The following TFDP1 variants were observed in gnomAD, a reference collection of about 807,000 sequenced individuals.
TFDP1 encodes DRTF1-polypeptide 1.
A neutral mutation model predicts 48.0 loss-of-function variants in TFDP1; 6 were observed. The observed-to-expected ratio is 0.13, with a 90% CI of 0.07 to 0.25. The LOEUF is 0.25. Ranked by LOEUF, TFDP1 falls within the 10% of genes least tolerant of loss-of-function variation. The probability of loss-of-function intolerance (pLI) is 1.00; values close to 1 mark genes in which losing one functional copy is unlikely to be tolerated. For synonymous variants in TFDP1, 201 were observed against 211.6 expected (o/e 0.95, Z 0.44); for missense variants, 335 against 543.0 (o/e 0.62, Z 3.81).
At chr13:113,621,319 T>C (rs569149812) in intron 3 of TFDP1, among the ~76,000 whole-genome samples, 1 of 152,322 alleles carries the variant, frequency 6.6e-6, no homozygotes, top group African/African-American at 2.4e-5. Flanking sequence ...TATCATGTAT[T>C]TTCAAATGGG....
chr13:113,597,523 G>A (rs903159726), intron 2 of TFDP1, among the ~76,000 whole-genome samples: 3 of 152,234 alleles, frequency 2.0e-5, no homozygotes, highest in African/African-American at 4.8e-5. Context: ...TGCTAGCCCT[G>A]CGACCTCAGG....
intron 2 of TFDP1, among the ~76,000 whole-genome samples, chr13:113,604,032 T>G (rs1179758827): frequency 6.6e-6 from 1 of 151,708 alleles, no homozygotes; most frequent in South Asian, 2.1e-4. Flanking sequence ...AGGCATGGGG[T>G]GCATGCCTGT....
Position 113,623,977 on chromosome 13 carries a change from G to C in TFDP1, c.186+691G>C, listed in dbSNP as rs753957148. Among the ~76,000 whole-genome samples, 2 of 152,204 alleles carry C rather than the reference G, an allele frequency of 1.3e-5. No individual in the cohort carries two copies. Among genetic ancestry groups the C allele is most frequent in the Non-Finnish European group, 2.9e-5 (2 of 68,018 alleles). ...TGGGGCCCCAGGCACTTGGTGGGCA[G>C]GTTTGGCTGTGACTGGAGCTGGTGG... On this transcript the variant is annotated intron_variant, in intron 4 of 11. Coordinates refer to ENST00000375370, the MANE Select transcript of TFDP1 (RefSeq NM_007111.5). The surrounding 1 kb of genome is among the most constrained non-coding windows in gnomAD (Gnocchi z 5.2).
At chr13:113,585,740 T>C in intron 1 of TFDP1, 34 bp from the exon 2 acceptor site, 1 of 1,280,834 alleles carries the variant, frequency 7.8e-7, no homozygotes, top group South Asian at 1.3e-5. Flanking sequence ...ACTTATTTCT[T>C]GTTTTTCCTT....
intron 2 of TFDP1, among the ~76,000 whole-genome samples, chr13:113,604,394 T>G (rs2048514723): frequency 6.6e-6 from 1 of 152,154 alleles, no homozygotes; most frequent in Non-Finnish European, 1.5e-5. Context: ...GGGTCTGTCT[T>G]AGTAAGTTCT....
intron 3 of TFDP1, among the ~76,000 whole-genome samples, chr13:113,615,502 G>T (rs1484089732): frequency 2.6e-5 from 4 of 152,212 alleles, no homozygotes; most frequent in African/African-American, 7.2e-5. Context: ...CCATCCGGGA[G>T]GCCACAGCTG....
chr13:113,589,580 G>T (rs1003629987), intron 2 of TFDP1, among the ~76,000 whole-genome samples: 3 of 152,210 alleles, frequency 2.0e-5, no homozygotes, highest in Admixed American at 1.3e-4. Context: ...TCCGCCTCAG[G>T]GCCTAGGGAG....
chr13:113,621,056 A>C (rs1438028773), intron 3 of TFDP1, among the ~76,000 whole-genome samples: 1 of 152,244 alleles, frequency 6.6e-6, no homozygotes, highest in South Asian at 2.1e-4. Context: ...TTAAAAATGC[A>C]TGGGTTGTAA....
chr13:113,587,482 CTTTTTTTTT>C (rs34556944), intron 2 of TFDP1, among the ~76,000 whole-genome samples: 1 of 125,480 alleles, frequency 8.0e-6, no homozygotes, highest in Non-Finnish European at 1.7e-5. Flanking sequence ...TTCGCTAGCT[CTTTTTTTTT>C]TTTTTTTTTT....
Position 113,636,614 on chromosome 13 carries a change from G to A in TFDP1, c.920G>A (p.Cys307Tyr). The A allele has an allele frequency of 6.2e-7, 1 of 1,614,116 alleles. No homozygotes were observed. Among genetic ancestry groups the A allele is most frequent in the Non-Finnish European group, 8.5e-7 (1 of 1,180,032 alleles). The part of the protein sequence containing the change: ...IEVLKRMGMA[C>Y]GLESGSCSAE... ...GTGCTGAAGCGGATGGGCATGGCTT[G>A]CGGGCTGGAGTCGGGGAGCTGCTCT... The change falls in exon 10 of 12, where the codon TGC becomes TAC. Residue 307 changes from cysteine (C) to tyrosine (Y), a missense_variant. Cys to Tyr is a radical substitution (Grantham distance 194, BLOSUM62 -2). Transcript: ENST00000375370.
intron 3 of TFDP1, among the ~76,000 whole-genome samples, chr13:113,612,929 G>A (rs1315993797): frequency 2.6e-5 from 4 of 152,212 alleles, no homozygotes; most frequent in African/African-American, 9.6e-5. Flanking sequence ...GCCTTGGGAC[G>A]GTCAGTTCTT....
In TFDP1 at chr13:113,627,321, G is replaced by A. The variant is rs1314693373; in HGVS notation, c.186+4035G>A. Among the ~76,000 whole-genome samples, 1 of 152,186 alleles carries A rather than the reference G, an allele frequency of 6.6e-6. No individual in the cohort carries two copies. The highest frequency in any genetic ancestry group is 6.5e-5 in the Admixed American group (1 of 15,280). ...GAGCTCAGCACGCGCACAGGAACGT[G>A]TGCGGGACAGAGGACATATGTGCTC... is the stretch of plus-strand genomic sequence containing the variant. On this transcript the variant is annotated intron_variant, in intron 4 of 11. Coordinates refer to ENST00000375370, the MANE Select transcript of TFDP1 (RefSeq NM_007111.5). This position sits in a 1 kb window ranked among gnomAD's most constrained non-coding sequence, Gnocchi z 4.1.
intron 4 of TFDP1, among the ~76,000 whole-genome samples, chr13:113,625,529 T>C (rs1300644392): frequency 4.4e-4 from 34 of 76,574 alleles, no homozygotes; most frequent in African/African-American, 5.7e-4. Context: ...CCTCAGGTGT[T>C]TCTCAGGTGT....
At chr13:113,630,165 A>G (rs1195790878) in intron 4 of TFDP1, among the ~76,000 whole-genome samples, 2 of 151,820 alleles carry the variant, frequency 1.3e-5, no homozygotes, top group African/African-American at 4.8e-5. Flanking sequence ...GCACACACAC[A>G]CACACACACA....
At chr13:113,587,188 TG>T (rs1277668834) in intron 2 of TFDP1, among the ~76,000 whole-genome samples, 2 of 151,704 alleles carry the variant, frequency 1.3e-5, no homozygotes, top group African/African-American at 4.8e-5. Flanking sequence ...AGTGTGAGGC[TG>T]GGGGTGGGGG....
At chr13:113,634,359 A>G in intron 7 of TFDP1, 175 bp from the exon 8 acceptor site, 1 of 649,942 alleles carries the variant, frequency 1.5e-6, no homozygotes, top group African/African-American at 1.8e-5. Flanking sequence ...TTAGAAATGG[A>G]AAAAAAACTC....
chr13:113,631,501 A>G (rs2140577918), intron 4 of TFDP1, 122 bp from the exon 5 acceptor site: 2 of 1,302,948 alleles, frequency 1.5e-6, no homozygotes, highest in Non-Finnish European at 2.0e-6. Context: ...CTGCTCCGTC[A>G]TGGCTGCTCA....
intron 11 of TFDP1, among the ~76,000 whole-genome samples, chr13:113,639,076 G>C (rs2049576727): frequency 6.6e-6 from 1 of 152,196 alleles, no homozygotes; most frequent in Admixed American, 6.5e-5. Flanking sequence ...ACTGGTGATT[G>C]ATGAGTTACT....
At chr13:113,606,889 G>C (rs1204326493) in intron 2 of TFDP1, among the ~76,000 whole-genome samples, 1 of 152,182 alleles carries the variant, frequency 6.6e-6, no homozygotes, top group Non-Finnish European at 1.5e-5. Context: ...AACCCACCGT[G>C]TGGTTTCCTT....
Sources: gnomAD v4.1 joint callset for allele counts (sites outside exome capture counted in the v4.1 genomes callset) on GRCh38, gnomAD v4.1.1 for gene constraint, Gnocchi (gnomAD v3.1) non-coding constraint, MANE v1.5 for transcripts, NCBI Gene and HGNC (gene_info 2026-07-23, HGNC 2026-07-21) for gene names.